Variants in LIMS2 observed in about 807,000 individuals in gnomAD.
LIMS2 encodes the protein LIM zinc finger domain containing 2.
LIMS2 carries 30 observed loss-of-function variants against 45.3 expected under a neutral mutation model. That is an observed-to-expected ratio of 0.66 (90% CI 0.50 to 0.90). The LOEUF is 0.90. Among genes scored for constraint, LIMS2 ranks in the 40% least tolerant of loss-of-function variants. The pLI is 0.00. For synonymous variants in LIMS2, 173 were observed against 188.0 expected (o/e 0.92, Z 0.65); for missense variants, 485 against 468.7 (o/e 1.03, Z -0.32).
intron 4 of LIMS2, chr2:127,650,485 G>A (rs184180791): frequency 8.8e-5 from 50 of 565,024 alleles, no homozygotes; most frequent in South Asian, 2.4e-4. Context: ...GCTGCATAGC[G>A]GCGAAATTCC....
chr2:127,670,802 C>A (rs1212355872), intron 1 of LIMS2, among the ~76,000 whole-genome samples: 1 of 152,220 alleles, frequency 6.6e-6, no homozygotes, highest in Admixed American at 6.5e-5. Flanking sequence ...GGCAGAGATG[C>A]CACAAACAGG....
At chr2:127,650,782 C>T in intron 4 of LIMS2, 1 of 1,613,708 alleles carries the variant, frequency 6.2e-7, no homozygotes, top group Non-Finnish European at 8.5e-7. Context: ...ACCAACTTCT[C>T]CCTGGCCACG....
At chr2:127,649,091 G>GAAAAAA (rs752842992) in intron 4 of LIMS2, among the ~76,000 whole-genome samples, 14 of 133,542 alleles carry the variant, frequency 1.0e-4, no homozygotes, top group African/African-American at 3.5e-4. Context: ...AAGAAAAAAA[G>GAAAAAA]AAAAAAGAAA....
chr2:127,650,577 C>T (rs1330667429), intron 4 of LIMS2: 6 of 638,028 alleles, frequency 9.4e-6, no homozygotes, highest in Non-Finnish European at 1.1e-5. Context: ...AAGGAGGTCC[C>T]CTCAGCAGCC....
In LIMS2 at chr2:127,674,754, G is replaced by A. The variant is rs927731347; in HGVS notation, c.11+260C>T. On this transcript the variant is annotated intron_variant, in intron 1 of 9. Coordinates refer to ENST00000355119, the MANE Select transcript of LIMS2 (RefSeq NM_001161403.3). Reference sequence around the variant, plus strand: ...CAGCCCTGGGCGTCGGTTGTGAGCAGACGGCTGTCCCATCTTGCAGCGGGC... The same window carrying A: ...CAGCCCTGGGCGTCGGTTGTGAGCAAACGGCTGTCCCATCTTGCAGCGGGC... 9 of 985,414 alleles carry A rather than the reference G, an allele frequency of 9.1e-6. 1 individual carries two copies. Among genetic ancestry groups the A allele is most frequent in the Non-Finnish European group, 1.1e-5 (9 of 829,902 alleles). The allele number at this position is 985,414 out of a possible 1,614,324, so 61.0% of individuals were successfully genotyped here.
chr2:127,651,555 A>G (rs1377983309), intron 4 of LIMS2: 10 of 1,612,578 alleles, frequency 6.2e-6, no homozygotes, highest in Non-Finnish European at 8.5e-6. Context: ...CACCCAGCGC[A>G]TCCTGGCCCT....
At chr2:127,639,706 C>T (rs1682208364) in intron 9 of LIMS2, among the ~76,000 whole-genome samples, 1 of 152,190 alleles carries the variant, frequency 6.6e-6, no homozygotes, top group Non-Finnish European at 1.5e-5. Context: ...CTCTCCTCTC[C>T]CAGCTCCAGC....
intron 1 of LIMS2, chr2:127,673,990 G>C (rs972112209): frequency 3.9e-5 from 20 of 509,608 alleles, no homozygotes; most frequent in Non-Finnish European, 7.2e-5. Context: ...TGTGTCTGGA[G>C]GGCAGGACTT....
chr2:127,651,480 G>C, intron 4 of LIMS2: 1 of 1,612,784 alleles, frequency 6.2e-7, no homozygotes, highest in Non-Finnish European at 8.5e-7. Context: ...GGTCTGCTTC[G>C]TGCCCTACCA....
intron 2 of LIMS2, among the ~76,000 whole-genome samples, chr2:127,657,131 A>G (rs940083041): frequency 1.3e-5 from 2 of 152,198 alleles, no homozygotes; most frequent in Non-Finnish European, 2.9e-5. Flanking sequence ...AAGCACCACC[A>G]GGGCAGGCTC....
At chr2:127,654,619 A>G in intron 3 of LIMS2, 75 bp from the exon 4 acceptor site, 1 of 1,599,348 alleles carries the variant, frequency 6.3e-7, no homozygotes, top group Non-Finnish European at 8.5e-7. Flanking sequence ...AGCCCTGTCC[A>G]CCTAGCACTC....
At chr2:127,679,599 GT>G (rs1685572609), upstream of LIMS2, among the ~76,000 whole-genome samples, 1 of 151,548 alleles carries the variant, frequency 6.6e-6, no homozygotes, top group South Asian at 2.1e-4. The surrounding 1 kb of genome is among the most constrained non-coding windows in gnomAD (Gnocchi z 5.3). Flanking sequence ...AGGTACCCGA[GT>G]TTCTCCACCC....
intron 4 of LIMS2, chr2:127,651,008 C>A: frequency 1.2e-6 from 2 of 1,613,862 alleles, no homozygotes; most frequent in South Asian, 2.2e-5. Context: ...TGGTCTACCA[C>A]TTCTCTGGGA....
In LIMS2 at chr2:127,640,121, C is replaced by G; in HGVS notation, c.827G>C (p.Trp276Ser). 1.9e-6 allele frequency: 3 copies of G among 1,613,486 alleles called. No homozygotes were observed. The change falls in exon 9 of 10, where the codon TGG (tryptophan) becomes TCG (serine). Residue 276 changes from tryptophan to serine, a missense_variant. Trp to Ser is a radical substitution (Grantham distance 177, BLOSUM62 -3). Transcript: ENST00000355119. Reference protein sequence around the residue: ...GDVVSALNKAWCVSCFSCSTC... With the variant: ...GDVVSALNKASCVSCFSCSTC... ...GGAGCAGGAGAAGCAGCTCACACACCAGGCCTTGTTGAGGGCCGACACCAC... is the reference window on the plus strand; with the variant it reads ...GGAGCAGGAGAAGCAGCTCACACACGAGGCCTTGTTGAGGGCCGACACCAC...
At position 127,640,279 on chromosome 2, in the gene LIMS2, C is replaced by T. The variant is rs199761833; in HGVS notation, c.793G>A (p.Glu265Lys). The T allele has an allele frequency of 6.0e-5, 96 of 1,613,324 alleles. No homozygotes were observed. The Middle Eastern group carries it at 1.0e-3, about 17-fold the overall frequency. Residue 265 changes from glutamate to lysine, a missense_variant, in exon 8 of 10, where the codon GAA (glutamate) becomes AAA (lysine). Physicochemically the swap from Glu to Lys is moderately conservative, Grantham distance 56. Transcript: ENST00000355119. The stretch of plus-strand genomic sequence containing the variant: ...GAACACAGGGCCTCACCATCGCCTT[C>T]AATCACATGGCTGCAGTTGTAGCAG... ...DVCYNCSHVI[E>K]GDVVSALNKA...
rs780282427 is a variant in LIMS2 at position 127,653,018 on chromosome 2, C to G, written c.359+1406G>C. 6.6e-6 allele frequency among the ~76,000 whole-genome samples: 1 copy of G among 152,204 alleles called. No individual in the cohort carries two copies. The highest frequency in any genetic ancestry group is 1.5e-5 in the Non-Finnish European group (1 of 68,030). On this transcript the variant is annotated intron_variant, in intron 4 of 9. Transcript: ENST00000355119. This position sits in a 1 kb window ranked among gnomAD's most constrained non-coding sequence, Gnocchi z 5.3. ...TCCACACACCCTGTCGGCGACGTTG[C>G]TGGTCAGCACGAGCTCCTGGTGCTG...
chr2:127,640,163 G>C lies in LIMS2; in HGVS notation c.803-18C>G. ...CGACACCACTGTGAGGGAAGCGTGG[G>C]ACTCAGCAGGCCTGGCTAGGCTGCC... On this transcript the variant is annotated intron_variant, in intron 8 of 9. Transcript: ENST00000355119. 2 of 1,613,122 alleles carry C rather than the reference G, an allele frequency of 1.2e-6. No homozygotes were observed. Among genetic ancestry groups the C allele is most frequent in the Non-Finnish European group, 1.7e-6 (2 of 1,179,968 alleles).
chr2:127,668,984 C>T (rs1379765486), intron 1 of LIMS2, among the ~76,000 whole-genome samples: 1 of 152,034 alleles, frequency 6.6e-6, no homozygotes, highest in Non-Finnish European at 1.5e-5. Flanking sequence ...TCCAGCTACT[C>T]AGGAGGCTCA....
In LIMS2 at chr2:127,640,141, C is replaced by T; in HGVS notation, c.807G>A (p.Val269=). The change falls in exon 9 of 10, where the codon GTG becomes GTA. Residue 269 remains valine, a synonymous_variant. Coordinates refer to ENST00000355119, the MANE Select transcript of LIMS2 (RefSeq NM_001161403.3). ...CACACCAGGCCTTGTTGAGGGCCGA[C>T]ACCACTGTGAGGGAAGCGTGGGACT... ...NCSHVIEGDV[V]SALNKAWCVS... The T allele has an allele frequency of 1.9e-6, 3 of 1,613,380 alleles. No homozygotes were observed. Among genetic ancestry groups the T allele is most frequent in the Non-Finnish European group, 2.5e-6 (3 of 1,180,012 alleles).
Sources: allele counts gnomAD v4.1 joint callset (sites outside exome capture counted in the v4.1 genomes callset), GRCh38; gene constraint gnomAD v4.1.1; non-coding constraint Gnocchi (gnomAD v3.1); transcripts MANE v1.5; gene names NCBI Gene and HGNC (gene_info 2026-07-23, HGNC 2026-07-21).